The following SNAP91 variants were observed in gnomAD, a reference collection of about 807,000 sequenced individuals.
SNAP91 encodes synaptosome associated protein 91, also known as clathrin coat assembly protein AP180.
A neutral mutation model predicts 100.3 loss-of-function variants in SNAP91; 27 were observed. The observed-to-expected ratio is 0.27, with a 90% CI of 0.20 to 0.37. The LOEUF is 0.37. Ranked by LOEUF, SNAP91 falls within the 10% of genes least tolerant of loss-of-function variation. The pLI is 1.00. For missense variants in SNAP91, 986 were observed against 1,123.7 expected, an observed-to-expected ratio of 0.88 and a Z score of 1.75; for synonymous variants, 404 against 398.6, an observed-to-expected ratio of 1.01 and a Z score of -0.16.
chr6:83,640,797 A>T (rs1480429700), intron 8 of SNAP91, among the ~76,000 whole-genome samples: 1 of 152,196 alleles, frequency 6.6e-6, no homozygotes, highest in East Asian at 1.9e-4. Context: ...GATAGCTATT[A>T]GGTGGAATGG....
At chr6:83,591,370 G>T in intron 21 of SNAP91, 76 bp from the exon 22 acceptor site, 1 of 947,110 alleles carries the variant, frequency 1.1e-6, no homozygotes, top group South Asian at 1.3e-5. Context: ...TAAGTATTAT[G>T]TAGAGAAATG....
chr6:83,612,108 T>C (rs1463623929), intron 11 of SNAP91, among the ~76,000 whole-genome samples: 4 of 152,074 alleles, frequency 2.6e-5, no homozygotes, highest in Admixed American at 6.5e-5. Flanking sequence ...AAAATGAATA[T>C]AAACAACAGG....
At chr6:83,574,303 T>C (rs901630430) in intron 26 of SNAP91, among the ~76,000 whole-genome samples, 2 of 152,230 alleles carry the variant, frequency 1.3e-5, no homozygotes, top group African/African-American at 4.8e-5. Flanking sequence ...ACGTTCTTTT[T>C]GTGTCAGCAA....
At chr6:83,626,719 A>C (rs2096945183) in intron 8 of SNAP91, among the ~76,000 whole-genome samples, 1 of 152,050 alleles carries the variant, frequency 6.6e-6, no homozygotes, top group Non-Finnish European at 1.5e-5. Flanking sequence ...TTTTGTCCTG[A>C]AACTTTACTG....
chr6:83,637,592 C>A (rs939928771), intron 8 of SNAP91, among the ~76,000 whole-genome samples: 5 of 152,184 alleles, frequency 3.3e-5, no homozygotes, highest in Non-Finnish European at 5.9e-5. Flanking sequence ...AGACTTGTTC[C>A]AAGCCTTCTG....
In SNAP91 at chr6:83,566,370, T is replaced by C. The variant is rs541545356; in HGVS notation, c.2443-5423A>G. Among the ~76,000 whole-genome samples the C allele has an allele frequency of 8.6e-4, 131 of 152,268 alleles. No homozygotes were observed. In the Middle Eastern group the frequency reaches 0.014, roughly 16 times the overall value. ...AAATGTTATGTGAATTTTATCTCAATAAAAATTTTTTCAAAAGAAAGAAAA... is the reference window on the plus strand; with the variant it reads ...AAATGTTATGTGAATTTTATCTCAACAAAAATTTTTTCAAAAGAAAGAAAA... On this transcript the variant is annotated intron_variant, in intron 26 of 29. Coordinates refer to ENST00000369694, the MANE Select transcript of SNAP91 (RefSeq NM_001242792.2).
At chr6:83,603,803 T>C (rs1050496790) in intron 14 of SNAP91, among the ~76,000 whole-genome samples, 1 of 152,194 alleles carries the variant, frequency 6.6e-6, no homozygotes, top group African/African-American at 2.4e-5. Context: ...ATTGTCTGTA[T>C]AGTACAGCCC....
chr6:83,594,975 A>AT (rs1176656245), intron 16 of SNAP91, among the ~76,000 whole-genome samples: 1 of 152,162 alleles, frequency 6.6e-6, no homozygotes, highest in Non-Finnish European at 1.5e-5. Context: ...TAGTTTTAAG[A>AT]TTTTTTATAA....
In SNAP91 at chr6:83,592,546, G is replaced by T; in HGVS notation, c.1847-8C>A. Reference sequence around the variant, plus strand: ...GTGCTGCAAATGCATCCACTGCAGTGAAGCACAGACAGGAAAAAGTGCATG... The same window carrying T: ...GTGCTGCAAATGCATCCACTGCAGTTAAGCACAGACAGGAAAAAGTGCATG... On this transcript the variant is annotated splice_region_variant and splice_polypyrimidine_tract_variant and intron_variant, in intron 20 of 29. Coordinates refer to ENST00000369694, the MANE Select transcript of SNAP91 (RefSeq NM_001242792.2). The T allele has an allele frequency of 6.2e-7, 1 of 1,601,212 alleles. No homozygotes were observed. Among genetic ancestry groups the T allele is most frequent in the Non-Finnish European group, 8.5e-7 (1 of 1,173,312 alleles).
Position 83,641,087 on chromosome 6 carries a change from AT to A in SNAP91, c.765+8del. The A allele has an allele frequency of 7.0e-7, 1 of 1,428,180 alleles. No individual in the cohort carries two copies. The highest frequency in any genetic ancestry group is 9.4e-7 in the Non-Finnish European group (1 of 1,065,506). The allele number at this position is 1,428,180 out of a possible 1,614,324, so 88.5% of individuals were successfully genotyped here. A position where few individuals can be genotyped will look rare whatever the true frequency, so the allele number is the denominator to read the frequency against. On this transcript the variant is annotated splice_region_variant and intron_variant, in intron 8 of 29. Coordinates refer to ENST00000369694, the MANE Select transcript of SNAP91 (RefSeq NM_001242792.2). Reference sequence around the variant, plus strand: ...AATTATATTCCCAAGAAAACTTAATATTACTTACCTCTGCAACCTTGAGAAA... The same window carrying A: ...AATTATATTCCCAAGAAAACTTAATATACTTACCTCTGCAACCTTGAGAAA...
At chr6:83,571,951 A>C (rs1460287939) in intron 26 of SNAP91, among the ~76,000 whole-genome samples, 1 of 151,894 alleles carries the variant, frequency 6.6e-6, no homozygotes, top group Non-Finnish European at 1.5e-5. Flanking sequence ...AATAAGGGGG[A>C]GTTTCCCTGC....
At chr6:83,662,665 G>C (rs1465444165) in intron 3 of SNAP91, among the ~76,000 whole-genome samples, 3 of 151,786 alleles carry the variant, frequency 2.0e-5, no homozygotes, top group Non-Finnish European at 4.4e-5. Flanking sequence ...GATTCAGTAG[G>C]CATCCTACAT....
chr6:83,627,780 A>G (rs1477721865), intron 8 of SNAP91, among the ~76,000 whole-genome samples: 1 of 151,584 alleles, frequency 6.6e-6, no homozygotes, highest in Non-Finnish European at 1.5e-5. Flanking sequence ...AATCTTGTTT[A>G]TCCTTTCGAA....
chr6:83,646,356 C>G (rs189589838), intron 7 of SNAP91, among the ~76,000 whole-genome samples: 2 of 152,116 alleles, frequency 1.3e-5, no homozygotes, highest in Admixed American at 1.3e-4. Context: ...TATAGTTTTG[C>G]ATTTTACATT....
At chr6:83,665,366 C>G in intron 3 of SNAP91, 73 bp downstream of exon 3, 1 of 1,433,230 alleles carries the variant, frequency 7.0e-7, no homozygotes. Flanking sequence ...ATTCAAAGAG[C>G]CTTAAATCAT....
chr6:83,556,996 T>C (rs1463748213), intron 28 of SNAP91, among the ~76,000 whole-genome samples: 2 of 152,196 alleles, frequency 1.3e-5, no homozygotes, highest in East Asian at 1.9e-4. Flanking sequence ...CCAAAACTAA[T>C]TATTAAATAC....
At chr6:83,604,204 T>C (rs1397224613) in intron 14 of SNAP91, among the ~76,000 whole-genome samples, 3 of 151,808 alleles carry the variant, frequency 2.0e-5, no homozygotes, top group Non-Finnish European at 4.4e-5. Context: ...AAATAAATTA[T>C]TAGCAAATTA....
At position 83,643,790 on chromosome 6, in the gene SNAP91, C is replaced by T. The variant is rs370279165; in HGVS notation, c.659-2588G>A. 6.0e-4 allele frequency among the ~76,000 whole-genome samples: 92 copies of T among 152,244 alleles called. 2 individuals are homozygous for T. The South Asian group carries it at 0.018, about 30-fold the overall frequency. On this transcript the variant is annotated intron_variant, in intron 7 of 29. Coordinates refer to ENST00000369694, the MANE Select transcript of SNAP91 (RefSeq NM_001242792.2). ...TTTTAACTTTTTACATGGACCTCCC[C>T]TGTAGGGTATTTAAGGGAAGCAAAA...
At chr6:83,600,480 G>A (rs1016529944) in intron 16 of SNAP91, among the ~76,000 whole-genome samples, 3 of 152,138 alleles carry the variant, frequency 2.0e-5, no homozygotes, top group African/African-American at 2.4e-5. Flanking sequence ...ATCACTTGAC[G>A]TATGTGTTTG....
Sources: gnomAD v4.1 joint callset for allele counts (sites outside exome capture counted in the v4.1 genomes callset) on GRCh38, gnomAD v4.1.1 for gene constraint, MANE v1.5 for transcripts, NCBI Gene and HGNC (gene_info 2026-07-23, HGNC 2026-07-21) for gene names.